SYNC: variants seen among roughly 807,000 people sequenced by gnomAD.
SYNC encodes syncoilin.
Under a neutral mutation model 49.5 loss-of-function variants are expected in SYNC, and 38 were observed. The ratio of observed to expected loss-of-function variants is 0.77; its 90% CI spans 0.59 to 1.01. SYNC has a LOEUF of 1.01. Ranked by LOEUF, SYNC falls within the 50% of genes least tolerant of loss-of-function variation. The pLI is 0.00. For synonymous variants in SYNC, 201 were observed against 230.8 expected (o/e 0.87, Z 1.17); for missense variants, 579 against 580.6 (o/e 1.00, Z 0.03).
intron 2 of SYNC, among the ~76,000 whole-genome samples, chr1:32,688,033 C>A (rs1649972723): frequency 6.6e-6 from 1 of 151,656 alleles, no homozygotes; most frequent in Admixed American, 6.6e-5. Context: ...CGGGGTTTCA[C>A]CATATTGGTC....
In SYNC at chr1:32,681,397, G is replaced by T. The variant is rs530669242; in HGVS notation, c.*453C>A. On this transcript the variant is annotated 3_prime_UTR_variant, in exon 5 of 5. Transcript: ENST00000409190. Reference sequence around the variant, plus strand: ...AAATTCTAACACTCGTGGCACAAAAGAATGGAAATTGTAAACCCATGTAAT... The same window carrying T: ...AAATTCTAACACTCGTGGCACAAAATAATGGAAATTGTAAACCCATGTAAT... 73 of 163,934 alleles carry T rather than the reference G, an allele frequency of 4.5e-4. No homozygotes were observed. The highest frequency in any genetic ancestry group is 1.6e-3 in the African/African-American group (68 of 42,006). The allele number at this position is 163,934 out of a possible 1,614,324, so 10.2% of individuals were successfully genotyped here.
rs372285843 is a variant in SYNC at position 32,680,357 on chromosome 1, GTTTT to G, written c.*1489_*1492del. ...AATGGTGTTTTTTTTTTTGTTGTTG[GTTTT>G]TTTTTTTTTTTTTTTAACTTGGGAC... On this transcript the variant is annotated 3_prime_UTR_variant, in exon 5 of 5. Coordinates refer to ENST00000409190, the MANE Select transcript of SYNC (RefSeq NM_030786.3). 250 of 987,020 alleles carry G rather than the reference GTTTT, an allele frequency of 2.5e-4. No homozygotes were observed. Among genetic ancestry groups the G allele is most frequent in the East Asian group, 2.4e-3 (35 of 14,778 alleles). The allele number at this position is 987,020 out of a possible 1,614,324, so 61.1% of individuals were successfully genotyped here.
intron 1 of SYNC, among the ~76,000 whole-genome samples, chr1:32,699,226 T>C (rs148470407): frequency 2.1e-5 from 3 of 141,970 alleles, no homozygotes; most frequent in Non-Finnish European, 4.5e-5. Context: ...TGGTCTCAGC[T>C]CACTGCAACC....
Position 32,680,021 on chromosome 1 carries a change from C to G in SYNC, c.*1829G>C. ...GCTATATCCCCAAGTTTTTCAGACT[C>G]ATTTAAGTAAAGGCTAGAGTGAGTA... On this transcript the variant is annotated 3_prime_UTR_variant, in exon 5 of 5. Transcript: ENST00000409190. 8.9e-7 allele frequency: 1 copy of G among 1,126,628 alleles called. No homozygotes were observed. The highest frequency in any genetic ancestry group is 2.8e-5 in the South Asian group (1 of 35,108). The allele number at this position is 1,126,628 out of a possible 1,614,324, so 69.8% of individuals were successfully genotyped here. A position where few individuals can be genotyped will look rare whatever the true frequency, so the allele number is the denominator to read the frequency against.
intron 2 of SYNC, chr1:32,686,087 G>A (rs937665881): frequency 6.6e-6 from 1 of 152,156 alleles, no homozygotes; most frequent in African/African-American, 2.4e-5. Flanking sequence ...GAGATGTAAT[G>A]TAAGTGTAAA....
At position 32,689,235 on chromosome 1, in the gene SYNC, C is replaced by CT. The variant is rs71006360; in HGVS notation, c.1234-4854dup. Among the ~76,000 whole-genome samples the CT allele has an allele frequency of 2.3e-3, 94 of 41,530 alleles. 12 individuals carry two copies. The highest frequency in any genetic ancestry group is 5.7e-3 in the African/African-American group (83 of 14,680). 27.2% of individuals were successfully genotyped at this position (41,530 alleles called of 152,430 possible). ...ACAGGCGTGAGGCACCTCGCCTGGC[C>CT]TTTTTTTTTTTTTTTTTTTTTTTTT... On this transcript the variant is annotated intron_variant, in intron 2 of 4. Transcript: ENST00000409190.
chr1:32,695,542 C>G lies in SYNC; in HGVS notation c.556G>C (p.Val186Leu), dbSNP rs770046624. ...TCCCTCTCCTCTTCCAGCTGGGCCA[C>G]AGCTTGGACACACTGCTGGAAACGC... is the stretch of plus-strand genomic sequence containing the variant. ...EGRFQQCVQA[V>L]AQLEEERDQL... The change falls in exon 2 of 5, where the codon GTG (valine) becomes CTG (leucine). Residue 186 changes from valine to leucine, a missense_variant. Coordinates refer to ENST00000409190, the MANE Select transcript of SYNC (RefSeq NM_030786.3). 1.3e-6 allele frequency: 2 copies of G among 1,551,538 alleles called. No homozygotes were observed. The highest frequency in any genetic ancestry group is 2.4e-5 in the South Asian group (2 of 84,042).
rs1168211970 is a variant in SYNC at position 32,695,591 on chromosome 1, T to C, written c.507A>G (p.Ile169Met). Residue 169 changes from isoleucine (I) to methionine (M), a missense_variant, in exon 2 of 5, where the codon ATA (isoleucine) becomes ATG (methionine). Transcript: ENST00000409190. Reference protein sequence around the residue: ...QSPSMEENLSIEDLELLEGRF... With the variant: ...QSPSMEENLSMEDLELLEGRF... ...GCCCCTCTAGCAATTCCAGGTCCTC[T>C]ATGCTCAGGTTCTCCTCCATGCTGG... The C allele has an allele frequency of 6.4e-7, 1 of 1,551,516 alleles. No homozygotes were observed. Among genetic ancestry groups the C allele is most frequent in the African/African-American group, 1.4e-5 (1 of 73,036 alleles).
chr1:32,684,141 A>G, intron 3 of SYNC, 52 bp from the exon 4 acceptor site: 1 of 1,607,458 alleles, frequency 6.2e-7, no homozygotes, highest in Non-Finnish European at 8.5e-7. Context: ...GCACAATTTG[A>G]AAATCATTTC....
chr1:32,699,381 T>C (rs963524297), intron 1 of SYNC, among the ~76,000 whole-genome samples: 1 of 150,984 alleles, frequency 6.6e-6, no homozygotes, highest in Non-Finnish European at 1.5e-5. Context: ...CTCAATCTCC[T>C]GACCTCGTGA....
chr1:32,680,901 T>C lies in SYNC; in HGVS notation c.*949A>G, dbSNP rs1649391869. The C allele has an allele frequency of 9.5e-6, 2 of 210,094 alleles. No homozygotes were observed. Among genetic ancestry groups the C allele is most frequent in the Middle Eastern group, 1.5e-3 (1 of 650 alleles). 13.0% of individuals were successfully genotyped at this position (210,094 alleles called of 1,614,324 possible). On this transcript the variant is annotated 3_prime_UTR_variant, in exon 5 of 5. Transcript: ENST00000409190. The stretch of plus-strand genomic sequence containing the variant: ...TAAGGTAACGTTTCTTTGAAGTCTA[T>C]CTGTAGAGAACTACATGGACTTCCA...
chr1:32,695,648 G>A lies in SYNC; in HGVS notation c.450C>T (p.Asn150=), dbSNP rs1258800190. Residue 150 remains asparagine (N), a synonymous_variant, in exon 2 of 5, where the codon AAC becomes AAT. Transcript: ENST00000409190. The stretch of plus-strand genomic sequence containing the variant: ...GCTCGGCTCTGAGGCTCTCCTCAGG[G>A]TTAGATTTCTCCGCCCTTGTGACTG... The part of the protein sequence containing the change: ...GETVTRAEKS[N]PEESLRAEQS... 3.2e-6 allele frequency: 5 copies of A among 1,551,434 alleles called. No individual in the cohort carries two copies. The highest frequency in any genetic ancestry group is 4.4e-6 in the Non-Finnish European group (5 of 1,147,018).
At chr1:32,700,858 A>C (rs542254268) in intron 1 of SYNC, among the ~76,000 whole-genome samples, 1 of 152,196 alleles carries the variant, frequency 6.6e-6, no homozygotes, top group South Asian at 2.1e-4. Context: ...GATAGGCGTG[A>C]GGTCCAAAAG....
rs1650716967 is a variant in SYNC, at chr1:32,702,699, G to C, written c.-39C>G. 2.6e-6 allele frequency: 3 copies of C among 1,143,554 alleles called. No homozygotes were observed. Among genetic ancestry groups the C allele is most frequent in the Admixed American group, 4.8e-5 (1 of 20,772 alleles). 70.8% of individuals were successfully genotyped at this position (1,143,554 alleles called of 1,614,324 possible). A position where few individuals can be genotyped will look rare whatever the true frequency, so the allele number is the denominator to read the frequency against. On this transcript the variant is annotated 5_prime_UTR_variant, in exon 1 of 5. Coordinates refer to ENST00000409190, the MANE Select transcript of SYNC (RefSeq NM_030786.3). This position sits in a 1 kb window ranked among gnomAD's most constrained non-coding sequence, Gnocchi z 6.2. Reference sequence around the variant, plus strand: ...CGGGCTGGCGGCCGCGTTATTAATAGCCGGGCCCGCGGGCCCCTCGCTCCG... The same window carrying C: ...CGGGCTGGCGGCCGCGTTATTAATACCCGGGCCCGCGGGCCCCTCGCTCCG...
intron 4 of SYNC, 179 bp downstream of exon 4, chr1:32,683,831 C>T: frequency 1.7e-6 from 1 of 590,242 alleles, no homozygotes; most frequent in Admixed American, 2.7e-5. Flanking sequence ...TGGAGTTTTG[C>T]CATGTTGGCC....
chr1:32,686,510 C>T (rs560325374), intron 2 of SYNC, among the ~76,000 whole-genome samples: 6 of 152,176 alleles, frequency 3.9e-5, no homozygotes, highest in Admixed American at 2.6e-4. Context: ...CATTCCCCAA[C>T]TCAGGAAAAG....
At chr1:32,699,420 G>C (rs1242105755) in intron 1 of SYNC, among the ~76,000 whole-genome samples, 1 of 151,966 alleles carries the variant, frequency 6.6e-6, no homozygotes, top group East Asian at 1.9e-4. Context: ...CTCCCAAAGT[G>C]CTGGGATTAC....
At chr1:32,687,544 G>T (rs572124719) in intron 2 of SYNC, among the ~76,000 whole-genome samples, 3 of 151,286 alleles carry the variant, frequency 2.0e-5, no homozygotes, top group Non-Finnish European at 4.4e-5. Flanking sequence ...GGTGGCACAC[G>T]CCTGTAGTCC....
At position 32,684,064 on chromosome 1, in the gene SYNC, C is replaced by G. The variant is rs746969400; in HGVS notation, c.1384G>C (p.Glu462Gln). 9.9e-6 allele frequency: 16 copies of G among 1,613,974 alleles called. No individual in the cohort carries two copies. The highest frequency in any genetic ancestry group is 1.4e-5 in the Non-Finnish European group (16 of 1,180,016). The change falls in exon 4 of 5, where the codon GAA becomes CAA. Residue 462 changes from glutamate to glutamine, a missense_variant. Glu to Gln is a conservative substitution (Grantham distance 29). Coordinates refer to ENST00000409190, the MANE Select transcript of SYNC (RefSeq NM_030786.3). ...YKAMLLPKSL[E>Q]QADAPTSQAG... ...TGAGAAGTGGGAGCATCAGCCTGTT[C>G]CAGGCTCTTGGGTAGTAGCATAGCC... is the stretch of plus-strand genomic sequence containing the variant.
Sources: allele counts gnomAD v4.1 joint callset (sites outside exome capture counted in the v4.1 genomes callset), GRCh38; gene constraint gnomAD v4.1.1; non-coding constraint Gnocchi (gnomAD v3.1); transcripts MANE v1.5; gene names NCBI Gene and HGNC (gene_info 2026-07-23, HGNC 2026-07-21).